The following SPEG variants were observed in gnomAD, a reference collection of about 807,000 sequenced individuals.
SPEG encodes the protein striated muscle enriched protein kinase, also known as striated muscle preferentially expressed protein kinase.
SPEG carries 114 observed loss-of-function variants against 300.4 expected under a neutral mutation model. That is an observed-to-expected ratio of 0.38 (90% CI 0.33 to 0.44). The LOEUF (loss-of-function observed/expected upper bound fraction) is 0.44, where lower values mean the gene tolerates loss of function less well. Ranked by LOEUF, SPEG falls within the 20% of genes least tolerant of loss-of-function variation. The pLI, the probability that SPEG is intolerant of heterozygous loss-of-function variation, is 1.00. For synonymous variants in SPEG, 1,964 were observed against 2,018.9 expected (o/e 0.97, Z 0.73); for missense variants, 4,201 against 4,586.2 (o/e 0.92, Z 2.43).
At chr2:219,436,628 G>A (rs923731067) in intron 1 of SPEG, among the ~76,000 whole-genome samples, 6 of 152,146 alleles carry the variant, frequency 3.9e-5, no homozygotes, top group Admixed American at 6.5e-5. Flanking sequence ...AGAGGGAGCC[G>A]GGCTGGCCTC....
Position 219,491,972 on chromosome 2 carries a change from C to T in SPEG, c.9461+103C>T, listed in dbSNP as rs577505737. The T allele has an allele frequency of 1.7e-5, 23 of 1,329,862 alleles. No homozygotes were observed. In the Admixed American group the frequency reaches 1.9e-4, roughly 11 times the overall value. 82.4% of individuals were successfully genotyped at this position (1,329,862 alleles called of 1,614,324 possible). ...TCCCCCGTGCCCCACCTCCCCTGTA[C>T]ACACATCCACACTGCACACTCACAC... On this transcript the variant is annotated intron_variant, in intron 39 of 40. Coordinates refer to ENST00000312358, the MANE Select transcript of SPEG (RefSeq NM_005876.5).
At chr2:219,461,603 T>A (rs1244154017) in intron 6 of SPEG, 2 of 1,072,494 alleles carry the variant, frequency 1.9e-6, no homozygotes, top group Non-Finnish European at 2.4e-6. Flanking sequence ...GAGTGGCCCC[T>A]CTGCTGCCCG....
In SPEG at chr2:219,481,382, CGAG is replaced by C; in HGVS notation, c.5452_5454del (p.Glu1818del). ...ACATCCGAAACTACAACGTGGCCTT[CGAG>C]GAGACCACATTCCTGAGCCTGAGCA... is the stretch of plus-strand genomic sequence containing the variant. On this transcript the variant is annotated inframe_deletion, in exon 27 of 41. Coordinates refer to ENST00000312358, the MANE Select transcript of SPEG (RefSeq NM_005876.5). The surrounding 1 kb of genome is among the most constrained non-coding windows in gnomAD (Gnocchi z 5.4). 1 of 1,614,176 alleles carries C rather than the reference CGAG, an allele frequency of 6.2e-7. No homozygotes were observed.
chr2:219,461,495 T>A, intron 6 of SPEG: 2 of 1,082,068 alleles, frequency 1.8e-6, no homozygotes, highest in Non-Finnish European at 2.2e-6. Context: ...TAGACCTGCT[T>A]CCCCTGCTTT....
rs374611044 is a variant in SPEG at position 219,488,834 on chromosome 2, C to T, written c.8083C>T (p.Leu2695=). 3 of 1,593,822 alleles carry T rather than the reference C, an allele frequency of 1.9e-6. No individual in the cohort carries two copies. The highest frequency in any genetic ancestry group is 2.6e-6 in the Non-Finnish European group (3 of 1,168,976). ...ACCCCAGACCTACCAGGACACGGCG[C>T]TGGTGCTGTGGAAGCCGGGAGACAG... ...EVPQTYQDTA[L]VLWKPGDSRA... The change falls in exon 34 of 41, where the codon CTG becomes TTG. Residue 2695 remains leucine (L), a synonymous_variant. Transcript: ENST00000312358.
Position 219,462,971 on chromosome 2 carries a change from G to C in SPEG, c.2705+585G>C, listed in dbSNP as rs1406754846. On this transcript the variant is annotated intron_variant, in intron 8 of 40. Transcript: ENST00000312358. ...TAGCAAGGAGCAAGACATTTCAGAGGCCAAGGAAGGAGGATTGCTTGAGCC... is the reference window on the plus strand; with the variant it reads ...TAGCAAGGAGCAAGACATTTCAGAGCCCAAGGAAGGAGGATTGCTTGAGCC... 3.3e-5 allele frequency among the ~76,000 whole-genome samples: 5 copies of C among 152,088 alleles called. No individual in the cohort carries two copies. The East Asian group carries it at 9.6e-4, about 29-fold the overall frequency.
chr2:219,488,405 G>A (rs1026416894), intron 32 of SPEG, 93 bp from the exon 33 acceptor site: 57 of 1,500,482 alleles, frequency 3.8e-5, no homozygotes, highest in East Asian at 6.8e-5. Context: ...GACTGAGCAC[G>A]GTTAGGGGGG....
chr2:219,483,961 C>A lies in SPEG; in HGVS notation c.6498C>A (p.Ser2166=). 2 of 1,608,400 alleles carry A rather than the reference C, an allele frequency of 1.2e-6. No homozygotes were observed. The highest frequency in any genetic ancestry group is 2.2e-5 in the South Asian group (2 of 91,082). The change falls in exon 30 of 41, where the codon TCC becomes TCA. Residue 2166 remains serine, a synonymous_variant. Coordinates refer to ENST00000312358, the MANE Select transcript of SPEG (RefSeq NM_005876.5). ...LGARRLQESP[S]LSALSEAQPS... ...CCCGTAGGCTACAGGAGTCTCCTTC[C>A]CTGTCTGCCCTCAGCGAGGCCCAGC...
chr2:219,444,592 T>C lies in SPEG; in HGVS notation c.389-61T>C. 1 of 1,418,510 alleles carries C rather than the reference T, an allele frequency of 7.0e-7. No homozygotes were observed. Among genetic ancestry groups the C allele is most frequent in the Non-Finnish European group, 9.9e-7 (1 of 1,006,232 alleles). 87.9% of individuals were successfully genotyped at this position (1,418,510 alleles called of 1,614,324 possible). On this transcript the variant is annotated intron_variant, in intron 1 of 40. Coordinates refer to ENST00000312358, the MANE Select transcript of SPEG (RefSeq NM_005876.5). The surrounding 1 kb of genome is among the most constrained non-coding windows in gnomAD (Gnocchi z 7.8). ...CTGTTGGCAGGGAGGCAGAAGGCAA[T>C]AGGGAAGAGTTGGAGGCAGAGGGAG...
intron 9 of SPEG, chr2:219,465,434 C>G (rs1207976534): frequency 6.4e-6 from 1 of 155,706 alleles, no homozygotes; most frequent in African/African-American, 2.4e-5. Context: ...TTCCCCTCCT[C>G]TGTGCCTGCC....
Position 219,489,776 on chromosome 2 carries a change from C to G in SPEG, c.8758C>G (p.Pro2920Ala). ...PPAPEPPAPE[P>A]PPEPTKVTVQ... ...AGCCCCTGAGCCCCCAGCCCCTGAG[C>G]CCCCTCCTGAGCCTACCAAGGTGAC... The change falls in exon 36 of 41, where the codon CCC becomes GCC. Residue 2920 changes from proline (P) to alanine (A), a missense_variant. Around this residue, in one of 4 missense-constraint regions of SPEG, gnomAD observed 1,578 missense variants for 1,506.0 expected, o/e 1.05. Transcript: ENST00000312358. 2 of 1,613,626 alleles carry G rather than the reference C, an allele frequency of 1.2e-6. No homozygotes were observed. The highest frequency in any genetic ancestry group is 2.2e-5 in the East Asian group (1 of 44,880).
intron 1 of SPEG, chr2:219,442,009 T>G: frequency 7.4e-6 from 4 of 541,348 alleles, no homozygotes; most frequent in Non-Finnish European, 1.1e-5. Flanking sequence ...CCCCCGCCCG[T>G]CCCCTCCTCG....
chr2:219,459,035 T>C lies in SPEG; in HGVS notation c.2441-2847T>C, dbSNP rs985119017. Among the ~76,000 whole-genome samples, 9 of 152,160 alleles carry C rather than the reference T, an allele frequency of 5.9e-5. No individual in the cohort carries two copies. Among genetic ancestry groups the C allele is most frequent in the Non-Finnish European group, 1.2e-4 (8 of 68,042 alleles). On this transcript the variant is annotated intron_variant, in intron 6 of 40. Coordinates refer to ENST00000312358, the MANE Select transcript of SPEG (RefSeq NM_005876.5). This position sits in a 1 kb window ranked among gnomAD's most constrained non-coding sequence, Gnocchi z 4.9. ...CGCTGAAACAGTTGGGGTCGGTGGA[T>C]GTGCTGGTCTGAGGAGAGGGAGTTC...
chr2:219,490,962 G>A lies in SPEG; in HGVS notation c.9385+6G>A, dbSNP rs567473930. 7 of 1,606,304 alleles carry A rather than the reference G, an allele frequency of 4.4e-6. No individual in the cohort carries two copies. The African/African-American group carries it at 6.7e-5, about 15-fold the overall frequency. ...GGGCACGCTGGAGTTCATGGGTGAG[G>A]GGACCAGCTGCCAGCCAGGGTGGGG... On this transcript the variant is annotated splice_donor_region_variant and intron_variant, in intron 38 of 40. Coordinates refer to ENST00000312358, the MANE Select transcript of SPEG (RefSeq NM_005876.5).
rs541474260 is a variant in SPEG, at chr2:219,485,246, G to T, written c.7610-100G>T. The T allele has an allele frequency of 2.1e-4, 316 of 1,514,992 alleles. 1 individual carries two copies. The highest frequency in any genetic ancestry group is 2.4e-4 in the Non-Finnish European group (273 of 1,121,768). 93.8% of individuals were successfully genotyped at this position (1,514,992 alleles called of 1,614,324 possible). ...GCAGGAATGGCGGCAGGGCTGGGTG[G>T]GCTAGGGGTTCCTTCTGGTTCTCTG... On this transcript the variant is annotated intron_variant, in intron 30 of 40. Coordinates refer to ENST00000312358, the MANE Select transcript of SPEG (RefSeq NM_005876.5).
At chr2:219,457,293 C>T (rs187028182) in intron 6 of SPEG, among the ~76,000 whole-genome samples, 4 of 152,188 alleles carry the variant, frequency 2.6e-5, no homozygotes, top group African/African-American at 4.8e-5. Context: ...GAGGAAAAAC[C>T]GTTTATGGAC....
chr2:219,446,664 T>A lies in SPEG; in HGVS notation c.816-1310T>A, dbSNP rs59506819. Among the ~76,000 whole-genome samples the A allele has an allele frequency of 8.6e-3, 1,302 of 152,274 alleles. 13 individuals carry two copies. Among genetic ancestry groups the A allele is most frequent in the African/African-American group, 0.017 (720 of 41,546 alleles). On this transcript the variant is annotated intron_variant, in intron 3 of 40. Coordinates refer to ENST00000312358, the MANE Select transcript of SPEG (RefSeq NM_005876.5). ...CTACTTGTCCTCCCTTCTGTGCCCC[T>A]GGAAACCCAGACACTTTGGAGGAAA... is the stretch of plus-strand genomic sequence containing the variant.
intron 15 of SPEG, 113 bp from the exon 16 acceptor site, chr2:219,472,777 T>G (rs1032888988): frequency 1.2e-6 from 1 of 844,330 alleles, no homozygotes. Context: ...CAGCAGAGAC[T>G]GAGGCACGTC....
chr2:219,475,813 G>C (rs1044737636), intron 18 of SPEG, among the ~76,000 whole-genome samples: 8 of 152,172 alleles, frequency 5.3e-5, no homozygotes, highest in Admixed American at 2.0e-4. Context: ...TATTCCACTA[G>C]ACCCCACCCA....
Sources: gnomAD v4.1 joint callset for allele counts (sites outside exome capture counted in the v4.1 genomes callset) on GRCh38, gnomAD v4.1.1 for gene constraint, gnomAD v4.1.1 regional missense constraint, Gnocchi (gnomAD v3.1) non-coding constraint, MANE v1.5 for transcripts, NCBI Gene and HGNC (gene_info 2026-07-23, HGNC 2026-07-21) for gene names.